MADD: variants seen among roughly 807,000 people sequenced by gnomAD.
MADD encodes the protein MAP kinase activating death domain.
Under a neutral mutation model 176.7 loss-of-function variants are expected in MADD, and 109 were observed. That is an observed-to-expected ratio of 0.62 (90% CI 0.53 to 0.72). MADD has a LOEUF of 0.72. MADD is among the 30% of genes least tolerant of loss of function. MADD has a pLI of 0.00. For missense variants in MADD, 1,914 were observed against 2,045.5 expected (o/e 0.94, Z 1.24); for synonymous variants, 771 against 771.3 (o/e 1.00, Z 0.01).
At chr11:47,269,343 G>C (rs1376213513), upstream of MADD, 2 of 152,478 alleles carry the variant, frequency 1.3e-5, no homozygotes, top group African/African-American at 2.4e-5. Context: ...GGTAGGATCC[G>C]GTTGCCTTTC....
rs2076465430 is a variant in MADD, at chr11:47,300,112, AT to A, written c.3642+4058del. On this transcript the variant is annotated intron_variant, in intron 22 of 32. Transcript: ENST00000402192. ...ATGAAGGAATGTTGACTTTTATCAA[AT>A]ACTTTTGTATTTGGTATTCGTTCTT... Among the ~76,000 whole-genome samples the A allele has an allele frequency of 2.6e-5, 4 of 152,156 alleles. No individual in the cohort carries two copies. The South Asian group carries it at 8.3e-4, about 32-fold the overall frequency.
rs773023506 is a variant in MADD, at chr11:47,315,229, G to A, written c.4099G>A (p.Asp1367Asn). 2.1e-5 allele frequency: 34 copies of A among 1,610,966 alleles called. No homozygotes were observed. In the Admixed American group the frequency reaches 3.8e-4, roughly 18 times the overall value. The change falls in exon 27 of 33, where the codon GAT (aspartate) becomes AAT (asparagine). Residue 1367 changes from aspartate (D) to asparagine (N), a missense_variant. By Grantham distance (23) the Asp-to-Asn change is conservative (BLOSUM62 1). This residue lies in a region of MADD where 1,767 missense variants were observed against 1,836.0 expected (regional missense o/e 0.96). Transcript: ENST00000402192. ...ATCTCTCTTTCATCAGAATGGACGCGATCTCTCTATCTGGTCCAGTGGCAG... is the reference window on the plus strand; with the variant it reads ...ATCTCTCTTTCATCAGAATGGACGCAATCTCTCTATCTGGTCCAGTGGCAG...
At chr11:47,285,698 A>C (rs773878433) in intron 14 of MADD, 108 bp downstream of exon 14, 5 of 1,481,760 alleles carry the variant, frequency 3.4e-6, no homozygotes, top group Non-Finnish European at 4.6e-6. Flanking sequence ...CTAGGTTGGC[A>C]TTAGCAAGCC....
chr11:47,271,139 A>G (rs928409470), intron 1 of MADD: 1 of 152,224 alleles, frequency 6.6e-6, no homozygotes, highest in Non-Finnish European at 1.5e-5. Flanking sequence ...TTTGAGCTGG[A>G]TGCTTTTGGA....
intron 7 of MADD, 71 bp downstream of exon 7, chr11:47,279,150 C>A: frequency 7.0e-7 from 1 of 1,429,122 alleles, no homozygotes; most frequent in Non-Finnish European, 9.7e-7. Context: ...GACAGCTATT[C>A]TCAGAGCCAA....
intron 25 of MADD, among the ~76,000 whole-genome samples, chr11:47,310,978 C>T (rs74859501): frequency 2.6e-3 from 386 of 150,814 alleles, no homozygotes; most frequent in African/African-American, 8.8e-3. Flanking sequence ...ACAGAATTTT[C>T]TATAGTTATA....
At chr11:47,313,451 A>G (rs1328777495) in intron 26 of MADD, among the ~76,000 whole-genome samples, 1 of 150,044 alleles carries the variant, frequency 6.7e-6, no homozygotes, top group Non-Finnish European at 1.5e-5. Context: ...AGCAGCTGGG[A>G]GTACAGGCGT....
intron 1 of MADD, chr11:47,272,002 T>G (rs78310113): frequency 0.11 from 16,800 of 152,218 alleles, 1,075 homozygotes; most frequent in South Asian, 0.23. Flanking sequence ...CCTGGTGGTG[T>G]TCTAGAGATA....
At chr11:47,290,182 G>C in exon 18 of MADD, 1 of 1,614,180 alleles carries the variant, frequency 6.2e-7, no homozygotes. Flanking sequence ...GGGAATGTTA[G>C]ACCTCCTCAA....
chr11:47,313,490 T>TA (rs2091181357), intron 26 of MADD, among the ~76,000 whole-genome samples: 1 of 151,452 alleles, frequency 6.6e-6, no homozygotes, highest in African/African-American at 2.4e-5. Flanking sequence ...AGTTTTTTTT[T>TA]TTTTTTGTAT....
intron 1 of MADD, 42 bp from the exon 2 acceptor site, chr11:47,273,785 A>G: frequency 1.4e-6 from 1 of 725,700 alleles, no homozygotes; most frequent in South Asian, 1.6e-5. Flanking sequence ...TGAGTCCCTT[A>G]GGCACAGCAG....
chr11:47,308,771 A>G, intron 23 of MADD, 72 bp downstream of exon 25: 3 of 1,282,208 alleles, frequency 2.3e-6, no homozygotes, highest in Non-Finnish European at 2.3e-6. Flanking sequence ...GTCACACTGA[A>G]CAAGTAGCTG....
chr11:47,270,336 A>G (rs1363972309), intron 1 of MADD, 90 bp downstream of exon 1: 2 of 138,134 alleles, frequency 1.4e-5, no homozygotes, highest in East Asian at 4.4e-4. Context: ...TGGCTCTTGG[A>G]GGAAGGGGTC....
At chr11:47,286,516 C>A (rs755874456) in exon 15 of MADD, 12 of 1,613,620 alleles carry the variant, frequency 7.4e-6, no homozygotes, top group Non-Finnish European at 1.0e-5. Flanking sequence ...GAAGGCCACG[C>A]CCTTCCCCAG....
intron 26 of MADD, among the ~76,000 whole-genome samples, chr11:47,312,627 G>A (rs2090384337): frequency 3.9e-5 from 6 of 152,138 alleles, no homozygotes; most frequent in Admixed American, 3.9e-4. Flanking sequence ...GTAGAGATGG[G>A]CATTCCCCAT....
exon 12 of MADD, chr11:47,284,482 T>G (rs372288760): frequency 6.2e-7 from 1 of 1,613,904 alleles, no homozygotes; most frequent in African/African-American, 1.3e-5. Flanking sequence ...CAGTGAGAAC[T>G]CTCAGGAAAA....
chr11:47,292,501 A>G, intron 19 of MADD, 42 bp from the exon 21 acceptor site: 1 of 1,597,690 alleles, frequency 6.3e-7, no homozygotes, highest in Non-Finnish European at 8.6e-7. Flanking sequence ...CCAGCCTCTG[A>G]CTTTCTGTCT....
exon 33 of MADD, chr11:47,329,268 C>A: frequency 1.3e-6 from 1 of 788,996 alleles, no homozygotes; most frequent in Non-Finnish European, 2.2e-6. Flanking sequence ...CCTCTGCAAG[C>A]CCCCTGCTGT....
intron 24 of MADD, 44 bp from the exon 28 acceptor site, chr11:47,309,463 G>A (rs1008684500): frequency 1.2e-6 from 2 of 1,613,950 alleles, no homozygotes; most frequent in East Asian, 4.5e-5. Context: ...TTAGTTCTGT[G>A]GTCTCCCACT....
Sources: gnomAD v4.1 joint callset for allele counts (sites outside exome capture counted in the v4.1 genomes callset) on GRCh38, gnomAD v4.1.1 for gene constraint, gnomAD v4.1.1 regional missense constraint, MANE v1.5 for transcripts, NCBI Gene and HGNC (gene_info 2026-07-23, HGNC 2026-07-21) for gene names.